The following TMTC1 variants were observed in gnomAD, a reference collection of about 807,000 sequenced individuals.
TMTC1 encodes the protein protein O-mannosyl-transferase TMTC1.
Under a neutral mutation model 104.8 loss-of-function variants are expected in TMTC1, and 73 were observed. That is an observed-to-expected ratio of 0.70 (90% CI 0.58 to 0.85). The LOEUF (loss-of-function observed/expected upper bound fraction) is 0.85. Ranked by LOEUF, TMTC1 falls within the 40% of genes least tolerant of loss-of-function variation. TMTC1 has a pLI of 0.00. For synonymous variants in TMTC1, 434 were observed against 428.7 expected (o/e 1.01, Z -0.15); for missense variants, 1,035 against 1,096.1 (o/e 0.94, Z 0.79).
At chr12:29,703,689 C>T (rs1344721699) in intron 5 of TMTC1, among the ~76,000 whole-genome samples, 3 of 152,166 alleles carry the variant, frequency 2.0e-5, no homozygotes, top group East Asian at 1.9e-4. Flanking sequence ...TCCAGTTCCA[C>T]CCCCTGACTG....
intron 7 of TMTC1, among the ~76,000 whole-genome samples, chr12:29,603,900 T>A (rs184438893): frequency 1.2e-4 from 18 of 152,370 alleles, no homozygotes; most frequent in African/African-American, 4.3e-4. Context: ...GATGTAGTGA[T>A]AAATGATTAC....
intron 10 of TMTC1, among the ~76,000 whole-genome samples, chr12:29,554,951 T>G (rs892711382): frequency 6.6e-6 from 1 of 152,186 alleles, no homozygotes; most frequent in African/African-American, 2.4e-5. Context: ...TTATCCCATA[T>G]AGGACCAATT....
chr12:29,569,429 A>C (rs1945606914), intron 9 of TMTC1, among the ~76,000 whole-genome samples: 1 of 152,162 alleles, frequency 6.6e-6, no homozygotes, highest in African/African-American at 2.4e-5. Flanking sequence ...TAGCGCCTTT[A>C]ACATTGCATT....
chr12:29,620,376 CA>C (rs1488540932), intron 6 of TMTC1, among the ~76,000 whole-genome samples: 1 of 152,178 alleles, frequency 6.6e-6, no homozygotes, highest in East Asian at 1.9e-4. Flanking sequence ...CTGGGCAACA[CA>C]ACTCAACATG....
intron 5 of TMTC1, among the ~76,000 whole-genome samples, chr12:29,708,343 C>T (rs1941807931): frequency 6.6e-6 from 1 of 152,166 alleles, no homozygotes. Context: ...ACTTAATGCA[C>T]TTTATTTATT....
At chr12:29,692,989 T>C (rs1347492078) in intron 5 of TMTC1, among the ~76,000 whole-genome samples, 1 of 144,958 alleles carries the variant, frequency 6.9e-6, no homozygotes, top group African/African-American at 2.5e-5. Flanking sequence ...GGGCTGGGAT[T>C]AGGAGTGAAA....
chr12:29,773,535 T>C (rs558342900), intron 1 of TMTC1, among the ~76,000 whole-genome samples: 1 of 152,210 alleles, frequency 6.6e-6, no homozygotes, highest in East Asian at 1.9e-4. Flanking sequence ...ATCAAATGGC[T>C]CTACCTCAAG....
At chr12:29,550,462 G>C (rs1945065320) in intron 10 of TMTC1, among the ~76,000 whole-genome samples, 1 of 152,122 alleles carries the variant, frequency 6.6e-6, no homozygotes, top group Admixed American at 6.6e-5. Context: ...AGGCAACTGA[G>C]CAGACAGAGG....
chr12:29,728,767 G>C (rs1942469618), intron 5 of TMTC1, among the ~76,000 whole-genome samples: 1 of 151,802 alleles, frequency 6.6e-6, no homozygotes. Flanking sequence ...GGGAGGCCAA[G>C]GGAGGTGGAT....
rs145115277 is a variant in TMTC1 at position 29,617,536 on chromosome 12, C to CAGAGAGAGAGAGAGAGAG, written c.1129-13255_1129-13238dup. On this transcript the variant is annotated intron_variant, in intron 6 of 17. Transcript: ENST00000539277. ...AAACATCAGTAAGCAAAACAGACAA[C>CAGAGAGAGAGAGAGAGAG]AGAGAGAGAGAGAGAGAGAGAGAGA... Among the ~76,000 whole-genome samples the CAGAGAGAGAGAGAGAGAG allele has an allele frequency of 7.3e-3, 987 of 134,880 alleles. 12 individuals carry two copies. The highest frequency in any genetic ancestry group is 0.012 in the Middle Eastern group (3 of 258). 88.5% of individuals were successfully genotyped at this position (134,880 alleles called of 152,430 possible).
At chr12:29,588,659 G>A (rs1038890099) in intron 7 of TMTC1, among the ~76,000 whole-genome samples, 29 of 152,254 alleles carry the variant, frequency 1.9e-4, no homozygotes, top group African/African-American at 6.5e-4. Flanking sequence ...AAACACACAG[G>A]GCATGTACAT....
At chr12:29,746,425 G>A (rs773253380) in intron 5 of TMTC1, among the ~76,000 whole-genome samples, 5 of 152,072 alleles carry the variant, frequency 3.3e-5, no homozygotes, top group Non-Finnish European at 7.4e-5. Flanking sequence ...AGCTCACTAG[G>A]TTTCTCTCAA....
intron 5 of TMTC1, among the ~76,000 whole-genome samples, chr12:29,647,950 C>G (rs949546875): frequency 6.6e-6 from 1 of 152,158 alleles, no homozygotes; most frequent in African/African-American, 2.4e-5. Context: ...AATTTCTAGG[C>G]AGCAGAGCAT....
At chr12:29,548,970 A>C (rs1188033362) in intron 10 of TMTC1, among the ~76,000 whole-genome samples, 2 of 145,236 alleles carry the variant, frequency 1.4e-5, no homozygotes, top group Non-Finnish European at 3.0e-5. Flanking sequence ...ATTTAAATAA[A>C]TTAAATATAT....
intron 5 of TMTC1, among the ~76,000 whole-genome samples, chr12:29,643,732 A>ATAT (rs1555180826): frequency 0.035 from 898 of 25,790 alleles, 280 homozygotes; most frequent in Non-Finnish European, 0.047. Context: ...ATAAATATAT[A>ATAT]TTATAATAAA....
At chr12:29,660,388 C>A (rs1176188271) in intron 5 of TMTC1, among the ~76,000 whole-genome samples, 1 of 152,202 alleles carries the variant, frequency 6.6e-6, no homozygotes, top group East Asian at 1.9e-4. Flanking sequence ...ATCAGAAGAA[C>A]CGAAAAGCTG....
chr12:29,721,690 G>T (rs1565793222), intron 5 of TMTC1, among the ~76,000 whole-genome samples: 1 of 152,014 alleles, frequency 6.6e-6, no homozygotes, highest in Non-Finnish European at 1.5e-5. Flanking sequence ...TAACCAGCTT[G>T]TTCTTATACA....
rs1193060665 is a variant in TMTC1, at chr12:29,783,437, G to A, written c.302+13C>T. The stretch of plus-strand genomic sequence containing the variant: ...AGGAGGCAGCGGCGGCTAGCGCGAG[G>A]TGAGGGACTCACTTGAAGGTGAGGA... On this transcript the variant is annotated intron_variant, in intron 1 of 17. Coordinates refer to ENST00000539277, the MANE Select transcript of TMTC1 (RefSeq NM_001193451.2). This position sits in a 1 kb window ranked among gnomAD's most constrained non-coding sequence, Gnocchi z 4.7. 1 of 1,300,880 alleles carries A rather than the reference G, an allele frequency of 7.7e-7. No homozygotes were observed. The highest frequency in any genetic ancestry group is 9.8e-7 in the Non-Finnish European group (1 of 1,021,136). The allele number at this position is 1,300,880 out of a possible 1,614,324, so 80.6% of individuals were successfully genotyped here. A position where few individuals can be genotyped will look rare whatever the true frequency, so the allele number is the denominator to read the frequency against.
intron 5 of TMTC1, among the ~76,000 whole-genome samples, chr12:29,747,761 A>G (rs1033959261): frequency 6.6e-6 from 1 of 152,202 alleles, no homozygotes; most frequent in Non-Finnish European, 1.5e-5. Context: ...CTGAGTGGCC[A>G]TGGTATGCCA....
Sources: gnomAD v4.1 joint callset for allele counts (sites outside exome capture counted in the v4.1 genomes callset) on GRCh38, gnomAD v4.1.1 for gene constraint, Gnocchi (gnomAD v3.1) non-coding constraint, MANE v1.5 for transcripts, NCBI Gene and HGNC (gene_info 2026-07-23, HGNC 2026-07-21) for gene names.